The following DLC1 variants were observed in gnomAD, a reference collection of about 807,000 sequenced individuals.
The protein encoded by DLC1 is rho GTPase-activating protein 7.
DLC1 carries 54 observed loss-of-function variants against 140.3 expected under a neutral mutation model. The ratio of observed to expected loss-of-function variants is 0.38; its 90% CI spans 0.31 to 0.48. The LOEUF (loss-of-function observed/expected upper bound fraction) is 0.48, where lower values mean the gene tolerates loss of function less well. Ranked by LOEUF, DLC1 falls within the 20% of genes least tolerant of loss-of-function variation. DLC1 has a pLI of 0.96. For synonymous variants in DLC1, 986 were observed against 728.1 expected (o/e 1.35, Z -5.70); for missense variants, 2,536 against 1,907.0 (o/e 1.33, Z -6.14).
chr8:13,237,240 TAC>T (rs201246253), intron 5 of DLC1, among the ~76,000 whole-genome samples: 56,570 of 130,686 alleles, frequency 0.43, 11,679 homozygotes, highest in East Asian at 0.82. Context: ...TATATATATA[TAC>T]ACACACACAC....
chr8:13,552,111 G>GTGTATATATATATATATATATA (rs1279225632), intron 1 of DLC1, among the ~76,000 whole-genome samples: 1 of 54,532 alleles, frequency 1.8e-5, no homozygotes, highest in Non-Finnish European at 3.3e-5. Flanking sequence ...GTCTAGAGGT[G>GTGTATATATATATATATATATA]TATATATATA....
At chr8:13,217,180 G>C (rs1353471612) in intron 5 of DLC1, among the ~76,000 whole-genome samples, 2 of 152,252 alleles carry the variant, frequency 1.3e-5, no homozygotes, top group East Asian at 3.9e-4. Context: ...CTTACTATTT[G>C]TATAGCTGTG....
chr8:13,560,884 C>T (rs1005584460), intron 1 of DLC1, among the ~76,000 whole-genome samples: 1 of 151,966 alleles, frequency 6.6e-6, no homozygotes, highest in African/African-American at 2.4e-5. Flanking sequence ...CAGATCCTCC[C>T]CTCACAACCC....
At chr8:13,604,526 A>T (rs757001419) in intron 1 of DLC1, 2 of 152,220 alleles carry the variant, frequency 1.3e-5, no homozygotes, top group Non-Finnish European at 2.9e-5. Flanking sequence ...GTAGAAGGAA[A>T]AGAGTTTTAC....
At position 13,250,962 on chromosome 8, in the gene DLC1, A is replaced by G. The variant is rs531881495; in HGVS notation, c.1348+54307T>C. ...ATTCAGTGCATTGCTGTGTAAGTCT[A>G]CTGGGGCTGCCATAACAGAATGCCA... is the stretch of plus-strand genomic sequence containing the variant. On this transcript the variant is annotated intron_variant, in intron 5 of 17. Transcript: ENST00000276297. Among the ~76,000 whole-genome samples the G allele has an allele frequency of 1.0e-3, 156 of 152,178 alleles. 3 individuals are homozygous for G. The highest frequency in any genetic ancestry group is 5.6e-4 in the Non-Finnish European group (38 of 68,018).
At chr8:13,588,238 G>C (rs1231354562) in intron 1 of DLC1, among the ~76,000 whole-genome samples, 2 of 152,054 alleles carry the variant, frequency 1.3e-5, no homozygotes, top group Non-Finnish European at 2.9e-5. Context: ...ACAAACCCTG[G>C]TGCCCAGTTG....
intron 5 of DLC1, among the ~76,000 whole-genome samples, chr8:13,228,745 G>C (rs963328373): frequency 6.6e-6 from 1 of 152,126 alleles, no homozygotes; most frequent in Non-Finnish European, 1.5e-5. Flanking sequence ...GCGAGACTCT[G>C]TCTCTTTAAA....
chr8:13,323,767 A>C (rs573396449), intron 4 of DLC1, among the ~76,000 whole-genome samples: 1 of 152,336 alleles, frequency 6.6e-6, no homozygotes, highest in East Asian at 1.9e-4. Context: ...GAATATTTAC[A>C]TATTTAATCC....
chr8:13,427,734 T>G (rs2117377438), intron 2 of DLC1, among the ~76,000 whole-genome samples: 1 of 152,334 alleles, frequency 6.6e-6, no homozygotes, highest in African/African-American at 2.4e-5. Flanking sequence ...TATGTCTATC[T>G]TCACCCCAAA....
chr8:13,192,128 T>C (rs1156701234), intron 5 of DLC1, among the ~76,000 whole-genome samples: 1 of 151,830 alleles, frequency 6.6e-6, no homozygotes, highest in Non-Finnish European at 1.5e-5. Flanking sequence ...TGTATTTTTT[T>C]TTAGTAGAGA....
chr8:13,392,017 C>T (rs754119762), intron 4 of DLC1, among the ~76,000 whole-genome samples: 2 of 152,030 alleles, frequency 1.3e-5, no homozygotes, highest in South Asian at 2.1e-4. Context: ...ATGAGATCTT[C>T]CATTTTCTTA....
intron 5 of DLC1, among the ~76,000 whole-genome samples, chr8:13,174,077 A>G (rs911714704): frequency 6.6e-6 from 1 of 151,894 alleles, no homozygotes; most frequent in Non-Finnish European, 1.5e-5. Flanking sequence ...CATGTACCCA[A>G]TGTTTAGGGC....
chr8:13,529,916 G>C (rs1048444037), intron 1 of DLC1, among the ~76,000 whole-genome samples: 2 of 152,292 alleles, frequency 1.3e-5, no homozygotes, highest in African/African-American at 4.8e-5. Context: ...GCTAGGGAAA[G>C]AAGGGACGAA....
chr8:13,520,328 A>T (rs1016303962), intron 1 of DLC1, among the ~76,000 whole-genome samples: 11 of 152,348 alleles, frequency 7.2e-5, no homozygotes, highest in South Asian at 4.1e-4. Flanking sequence ...TTGCAGGGAC[A>T]TGGATGAAGC....
chr8:13,113,245 A>G (rs1293943922), intron 6 of DLC1, among the ~76,000 whole-genome samples: 1 of 152,226 alleles, frequency 6.6e-6, no homozygotes, highest in Non-Finnish European at 1.5e-5. Context: ...AAAGGCAGGA[A>G]GTATAAATTG....
chr8:13,585,456 A>G (rs1037971170), intron 1 of DLC1, among the ~76,000 whole-genome samples: 1 of 152,212 alleles, frequency 6.6e-6, no homozygotes, highest in African/African-American at 2.4e-5. Context: ...TGGCTATAGA[A>G]CAAACCACAG....
chr8:13,453,488 A>G (rs1285911183), intron 2 of DLC1, among the ~76,000 whole-genome samples: 4 of 38,834 alleles, frequency 1.0e-4, no homozygotes, highest in African/African-American at 2.6e-4. Context: ...ATGTATATAT[A>G]TACATATATA....
intron 4 of DLC1, among the ~76,000 whole-genome samples, chr8:13,314,320 ATATT>A (rs1212300854): frequency 3.4e-5 from 5 of 148,504 alleles, no homozygotes; most frequent in Non-Finnish European, 7.4e-5. Flanking sequence ...ATATACATAT[ATATT>A]ATAAATATAT....
At chr8:13,149,646 C>G (rs1015753440) in intron 5 of DLC1, among the ~76,000 whole-genome samples, 1 of 152,188 alleles carries the variant, frequency 6.6e-6, no homozygotes, top group Non-Finnish European at 1.5e-5. Flanking sequence ...TTCACGTTCT[C>G]TTTTATAGTT....
Sources: allele counts gnomAD v4.1 joint callset (sites outside exome capture counted in the v4.1 genomes callset), GRCh38; gene constraint gnomAD v4.1.1; transcripts MANE v1.5; gene names NCBI Gene and HGNC (gene_info 2026-07-23, HGNC 2026-07-21).